The following ATP6V0C variants were observed in gnomAD, a reference collection of about 807,000 sequenced individuals.
ATP6V0C encodes the protein V-type proton ATPase 16 kDa proteolipid subunit c.
A neutral mutation model predicts 10.6 loss-of-function variants in ATP6V0C; 2 were observed. The ratio of observed to expected loss-of-function variants is 0.19; its 90% CI spans 0.08 to 0.59. ATP6V0C has a LOEUF of 0.59. Ranked by LOEUF, ATP6V0C falls within the 20% of genes least tolerant of loss-of-function variation. The probability of loss-of-function intolerance (pLI) is 0.90; values close to 1 mark genes in which losing one functional copy is unlikely to be tolerated. For synonymous variants in ATP6V0C, 128 were observed against 101.3 expected, an observed-to-expected ratio of 1.26 and a Z score of -1.59; for missense variants, 89 against 225.9, an observed-to-expected ratio of 0.39 and a Z score of 3.88.
chr16:2,518,384 C>T (rs530690072), intron 1 of ATP6V0C, among the ~76,000 whole-genome samples: 16 of 152,340 alleles, frequency 1.1e-4, no homozygotes, highest in Admixed American at 1.3e-4. Context: ...AGCACTGTTG[C>T]GGTGGGAGGC....
chr16:2,514,771 C>T (rs941872959), intron 1 of ATP6V0C, among the ~76,000 whole-genome samples: 1 of 152,154 alleles, frequency 6.6e-6, no homozygotes, highest in Non-Finnish European at 1.5e-5. Context: ...TTACAGTTGC[C>T]CAATACCCGT....
Position 2,520,094 on chromosome 16 carries a change from C to G in ATP6V0C, c.*349C>G, listed in dbSNP as rs2065904042. 4.9e-6 allele frequency: 3 copies of G among 611,066 alleles called. No homozygotes were observed. Among genetic ancestry groups the G allele is most frequent in the South Asian group, 3.0e-5 (2 of 65,616 alleles). The allele number at this position is 611,066 out of a possible 1,614,324, so 37.9% of individuals were successfully genotyped here. ...GGAGCGGCCCTTGTCTCCCAGCTAT[C>G]TATAACCTTAGCTAGAGTGTCGCCT... is the stretch of plus-strand genomic sequence containing the variant. On this transcript the variant is annotated 3_prime_UTR_variant, in exon 3 of 3. Coordinates refer to ENST00000330398, the MANE Select transcript of ATP6V0C (RefSeq NM_001694.4).
In ATP6V0C at chr16:2,519,889, C is replaced by CT. The variant is rs2065900936; in HGVS notation, c.*145dup. Reference sequence around the variant, plus strand: ...TGCGCAGTGTCCTAGTGCCCATCGTCTGTTTCCCCGGCCTTGCCCCCGCCC... The same window carrying CT: ...TGCGCAGTGTCCTAGTGCCCATCGTCTTGTTTCCCCGGCCTTGCCCCCGCCC... On this transcript the variant is annotated 3_prime_UTR_variant, in exon 3 of 3. Coordinates refer to ENST00000330398, the MANE Select transcript of ATP6V0C (RefSeq NM_001694.4). The CT allele has an allele frequency of 2.5e-6, 3 of 1,188,974 alleles. No homozygotes were observed. The highest frequency in any genetic ancestry group is 1.9e-4 in the Middle Eastern group (1 of 5,346). 73.7% of individuals were successfully genotyped at this position (1,188,974 alleles called of 1,614,324 possible).
rs185230181 is a variant in ATP6V0C at position 2,516,334 on chromosome 16, C to G, written c.79+2152C>G. Among the ~76,000 whole-genome samples, 320 of 152,194 alleles carry G rather than the reference C, an allele frequency of 2.1e-3. 2 individuals carry two copies. Among genetic ancestry groups the G allele is most frequent in the Middle Eastern group, 6.8e-3 (2 of 294 alleles). On this transcript the variant is annotated intron_variant, in intron 1 of 2. Transcript: ENST00000330398. ...ATGTGGCTCAGGCTGGTCTCAAACT[C>G]CTTGTTGCCTCAAACGATCCACCTG...
At chr16:2,514,413 C>G (rs1247737420) in intron 1 of ATP6V0C, 6 of 255,798 alleles carry the variant, frequency 2.3e-5, no homozygotes, top group Non-Finnish European at 2.2e-5. Context: ...TCTCGGGGGT[C>G]CGGGCCGGCG....
At chr16:2,513,843 T>A, upstream of ATP6V0C, 1 of 296,114 alleles carries the variant, frequency 3.4e-6, no homozygotes, top group Non-Finnish European at 6.4e-6. Context: ...CCGGGGGAGG[T>A]CAACGGGCCG....
In ATP6V0C at chr16:2,519,275, T is replaced by C. The variant is rs1407856446; in HGVS notation, c.137T>C (p.Val46Ala). 1.9e-6 allele frequency: 3 copies of C among 1,614,110 alleles called. No homozygotes were observed. The change falls in exon 2 of 3, where the codon GTC becomes GCC. Residue 46 changes from valine to alanine, a missense_variant. Val to Ala is a moderately conservative substitution (Grantham distance 64). Coordinates refer to ENST00000330398, the MANE Select transcript of ATP6V0C (RefSeq NM_001694.4). ...GGTACCGGCATTGCGGCCATGTCTG[T>C]CATGCGGCCGGAGCAGATCATGAAG... The part of the protein sequence containing the change: ...KSGTGIAAMS[V>A]MRPEQIMKSI...
intron 1 of ATP6V0C, among the ~76,000 whole-genome samples, chr16:2,516,220 C>T (rs2065876599): frequency 6.6e-6 from 1 of 151,902 alleles, no homozygotes; most frequent in Admixed American, 6.6e-5. Flanking sequence ...TCAAGCAATC[C>T]TCCTGCCTCA....
rs1322613998 is a variant in ATP6V0C at position 2,514,074 on chromosome 16, G to A, written c.-30G>A. On this transcript the variant is annotated 5_prime_UTR_variant, in exon 1 of 3. Transcript: ENST00000330398. ...CCCGCCTCCGCCACCGCCTCGGCCC[G>A]CAGAGCTTGCCCCCTCCCCACCCGC... 3.9e-6 allele frequency: 6 copies of A among 1,532,044 alleles called. No homozygotes were observed. Among genetic ancestry groups the A allele is most frequent in the Non-Finnish European group, 3.5e-6 (4 of 1,135,312 alleles). The allele number at this position is 1,532,044 out of a possible 1,614,324, so 94.9% of individuals were successfully genotyped here.
At chr16:2,515,406 CCAAA>C (rs766907955) in intron 1 of ATP6V0C, among the ~76,000 whole-genome samples, 1 of 152,208 alleles carries the variant, frequency 6.6e-6, no homozygotes, top group African/African-American at 2.4e-5. Context: ...GGTTTGAACT[CCAAA>C]CAGTCTCTGC....
At chr16:2,514,302 C>T (rs923788688) in intron 1 of ATP6V0C, 120 bp downstream of exon 1, 3 of 1,151,712 alleles carry the variant, frequency 2.6e-6, no homozygotes, top group Non-Finnish European at 3.4e-6. Flanking sequence ...CGGGGGCGCC[C>T]GGGCCTCGTG....
chr16:2,515,922 G>T (rs536460205), intron 1 of ATP6V0C, among the ~76,000 whole-genome samples: 1 of 151,304 alleles, frequency 6.6e-6, no homozygotes, highest in African/African-American at 2.4e-5. Context: ...CTCTCTCTCC[G>T]TCAAGACCTA....
At position 2,514,163 on chromosome 16, in the gene ATP6V0C, G is replaced by A. The variant is rs577459712; in HGVS notation, c.60G>A (p.Ser20=). 1.1e-5 allele frequency: 18 copies of A among 1,582,222 alleles called. No individual in the cohort carries two copies. The African/African-American group carries it at 1.4e-4, about 12-fold the overall frequency. The change falls in exon 1 of 3, where the codon TCG becomes TCA. Residue 20 remains serine, a synonymous_variant. Coordinates refer to ENST00000330398, the MANE Select transcript of ATP6V0C (RefSeq NM_001694.4). ...YASFFAVMGA[S]AAMVFSALGA... is the part of the protein sequence containing the mutation. The stretch of plus-strand genomic sequence containing the variant: ...CGTTTTTCGCCGTCATGGGCGCCTC[G>A]GCCGCCATGGTCTTCAGCGGTGAGC...
At chr16:2,518,834 C>A (rs1238422144) in intron 1 of ATP6V0C, among the ~76,000 whole-genome samples, 1 of 152,200 alleles carries the variant, frequency 6.6e-6, no homozygotes, top group Non-Finnish European at 1.5e-5. Flanking sequence ...TGGGCAGTAG[C>A]CCCAAGGGTC....
intron 1 of ATP6V0C, 95 bp from the exon 2 acceptor site, chr16:2,519,123 G>A: frequency 7.4e-7 from 1 of 1,350,552 alleles, no homozygotes. Context: ...GATAACTTGG[G>A]GTGGCCCTTG....
chr16:2,520,173 C>A lies in ATP6V0C; in HGVS notation c.*428C>A. ...GATGGAGCCGCCCTCACCGCCGGGC[C>A]CGTGGCCCTGCGCGGAGCTGTGTCC... is the stretch of plus-strand genomic sequence containing the variant. On this transcript the variant is annotated 3_prime_UTR_variant, in exon 3 of 3. Transcript: ENST00000330398. 1 of 521,196 alleles carries A rather than the reference C, an allele frequency of 1.9e-6. No homozygotes were observed. The allele number at this position is 521,196 out of a possible 1,614,324, so 32.3% of individuals were successfully genotyped here.
At chr16:2,518,787 C>G (rs987240798) in intron 1 of ATP6V0C, among the ~76,000 whole-genome samples, 1 of 152,204 alleles carries the variant, frequency 6.6e-6, no homozygotes, top group Non-Finnish European at 1.5e-5. Context: ...GCTTTGCCAT[C>G]CCCAAGACCT....
At chr16:2,514,292 CGGG>C in intron 1 of ATP6V0C, 110 bp downstream of exon 1, 3 of 1,187,192 alleles carry the variant, frequency 2.5e-6, no homozygotes, top group Non-Finnish European at 3.3e-6. Flanking sequence ...CCCGAGCTGT[CGGG>C]GGCGCCCGGG....
chr16:2,514,220 G>GACT, intron 1 of ATP6V0C, 38 bp downstream of exon 1: 1 of 1,515,488 alleles, frequency 6.6e-7, no homozygotes, highest in Non-Finnish European at 8.9e-7. Flanking sequence ...GGGCGGGGGC[G>GACT]CGCGCGTTGC....
Sources: gnomAD v4.1 joint callset for allele counts (sites outside exome capture counted in the v4.1 genomes callset) on GRCh38, gnomAD v4.1.1 for gene constraint, MANE v1.5 for transcripts, NCBI Gene and HGNC (gene_info 2026-07-23, HGNC 2026-07-21) for gene names.